Variants in BTBD9 observed in about 807,000 individuals in gnomAD.
BTBD9 encodes the protein BTB/POZ domain-containing protein 9.
BTBD9 carries 49 observed loss-of-function variants against 64.3 expected under a neutral mutation model. The observed-to-expected ratio is 0.76, with a 90% CI of 0.61 to 0.97. The LOEUF (loss-of-function observed/expected upper bound fraction) is 0.97. BTBD9 is among the 50% of genes least tolerant of loss of function. The pLI, the probability that BTBD9 is intolerant of heterozygous loss-of-function variation, is 0.00. For missense variants in BTBD9, 598 were observed against 762.1 expected (o/e 0.78, Z 2.53); for synonymous variants, 260 against 274.7 (o/e 0.95, Z 0.53).
intron 7 of BTBD9, among the ~76,000 whole-genome samples, chr6:38,316,668 AGTT>A (rs1763039511): frequency 6.6e-6 from 1 of 152,126 alleles, no homozygotes; most frequent in African/African-American, 2.4e-5. Context: ...AAGTTGTTGT[AGTT>A]ATTATTTTAA....
chr6:38,634,157 C>T (rs1187742327), intron 1 of BTBD9, among the ~76,000 whole-genome samples: 2 of 152,174 alleles, frequency 1.3e-5, no homozygotes, highest in Non-Finnish European at 2.9e-5. Context: ...TCATGAAGCT[C>T]CAATTTAACT....
Position 38,486,376 on chromosome 6 carries a change from C to T in BTBD9, c.1154+91224G>A, listed in dbSNP as rs145854960. On this transcript the variant is annotated intron_variant, in intron 6 of 10. Transcript: ENST00000481247. Reference sequence around the variant, plus strand: ...CTGTCTTAAGAGGCTTAGCTTTCAGCCTATCTCAGCTTTCAACATGCCTTC... The same window carrying T: ...CTGTCTTAAGAGGCTTAGCTTTCAGTCTATCTCAGCTTTCAACATGCCTTC... 3.3e-5 allele frequency among the ~76,000 whole-genome samples: 5 copies of T among 152,336 alleles called. 1 individual carries two copies. In the East Asian group the frequency reaches 9.6e-4, roughly 29 times the overall value.
chr6:38,375,481 G>A (rs1227702391), intron 6 of BTBD9, among the ~76,000 whole-genome samples: 1 of 152,174 alleles, frequency 6.6e-6, no homozygotes, highest in Non-Finnish European at 1.5e-5. Context: ...ATTAACTACA[G>A]AGGATGAAAA....
intron 6 of BTBD9, among the ~76,000 whole-genome samples, chr6:38,380,334 G>A (rs1370390396): frequency 6.6e-6 from 1 of 152,100 alleles, no homozygotes; most frequent in Non-Finnish European, 1.5e-5. Context: ...GATCCCAGAA[G>A]GAAAATCTGA....
chr6:38,354,670 C>A (rs1415193606), intron 6 of BTBD9, among the ~76,000 whole-genome samples: 1 of 152,102 alleles, frequency 6.6e-6, no homozygotes, highest in Non-Finnish European at 1.5e-5. Context: ...CAGAAAATTT[C>A]AAGGACCCTC....
chr6:38,368,301 T>A (rs947640763), intron 6 of BTBD9, among the ~76,000 whole-genome samples: 18 of 152,286 alleles, frequency 1.2e-4, no homozygotes, highest in Non-Finnish European at 1.6e-4. Context: ...CATTGCCCCT[T>A]TTGATGCATG....
intron 6 of BTBD9, among the ~76,000 whole-genome samples, chr6:38,545,894 AC>A (rs1420011732): frequency 1.4e-4 from 19 of 138,078 alleles, no homozygotes; most frequent in African/African-American, 4.8e-4. Context: ...ACACACACAC[AC>A]ACACACTGCT....
rs1174382110 is a variant in BTBD9 at position 38,634,585 on chromosome 6, AG to A, written c.-28+5214del. On this transcript the variant is annotated intron_variant, in intron 1 of 10. Transcript: ENST00000481247. ...GATTGTTCCTTTTTTTTAAAAAAAA[AG>A]GGGGGGGAGAGGGCATCTAACACAA... Among the ~76,000 whole-genome samples, 127 of 151,196 alleles carry A rather than the reference AG, an allele frequency of 8.4e-4. 1 individual carries two copies. The highest frequency in any genetic ancestry group is 1.5e-3 in the Non-Finnish European group (102 of 67,698).
At chr6:38,536,641 T>C (rs1270372379) in intron 6 of BTBD9, among the ~76,000 whole-genome samples, 1 of 151,994 alleles carries the variant, frequency 6.6e-6, no homozygotes, top group African/African-American at 2.4e-5. Context: ...TATTCAGCCA[T>C]AAAAAAAGAA....
intron 6 of BTBD9, among the ~76,000 whole-genome samples, chr6:38,456,067 T>A (rs1769791181): frequency 6.6e-6 from 1 of 152,128 alleles, no homozygotes; most frequent in African/African-American, 2.4e-5. Context: ...CACTGCAGCC[T>A]CTGCCTCCGG....
chr6:38,485,795 A>G (rs189473642), intron 6 of BTBD9, among the ~76,000 whole-genome samples: 9 of 152,356 alleles, frequency 5.9e-5, no homozygotes, highest in Non-Finnish European at 1.2e-4. Flanking sequence ...CAGCTACATT[A>G]GCCCCTAACA....
At chr6:38,181,020 C>A (rs1399941056) in intron 10 of BTBD9, among the ~76,000 whole-genome samples, 1 of 152,218 alleles carries the variant, frequency 6.6e-6, no homozygotes, top group Non-Finnish European at 1.5e-5. Context: ...AGGATGTACA[C>A]AAATGTGCTA....
chr6:38,374,283 G>GTATATATATATATACACATA (rs57568036), intron 6 of BTBD9, among the ~76,000 whole-genome samples: 10 of 45,474 alleles, frequency 2.2e-4, no homozygotes, highest in African/African-American at 1.5e-3. Context: ...AAAAAAAAAA[G>GTATATATATATATACACATA]TATATATATA....
chr6:38,308,017 A>C (rs1455111710), intron 7 of BTBD9, among the ~76,000 whole-genome samples: 1 of 152,200 alleles, frequency 6.6e-6, no homozygotes, highest in Non-Finnish European at 1.5e-5. Flanking sequence ...CTCTCCTCAC[A>C]CTGGGGCCTT....
At chr6:38,618,236 A>AT (rs1231918388) in intron 1 of BTBD9, among the ~76,000 whole-genome samples, 1 of 152,086 alleles carries the variant, frequency 6.6e-6, no homozygotes, top group Middle Eastern at 3.2e-3. Context: ...GCAGCAGCTT[A>AT]TTTTTTTCTG....
intron 8 of BTBD9, among the ~76,000 whole-genome samples, chr6:38,258,070 C>T (rs908503057): frequency 6.6e-6 from 1 of 151,964 alleles, no homozygotes; most frequent in African/African-American, 2.4e-5. Flanking sequence ...ATTGCAACCT[C>T]CGCCTCCCGG....
intron 6 of BTBD9, among the ~76,000 whole-genome samples, chr6:38,442,661 CTTTTTTTTTTTT>C (rs11313452): frequency 5.2e-5 from 3 of 57,538 alleles, no homozygotes; most frequent in East Asian, 6.2e-4. Flanking sequence ...CATTTGTACT[CTTTTTTTTTTTT>C]TTTTTTTTTT....
At chr6:38,552,405 T>C (rs1774843806) in intron 6 of BTBD9, among the ~76,000 whole-genome samples, 1 of 152,140 alleles carries the variant, frequency 6.6e-6, no homozygotes, top group Non-Finnish European at 1.5e-5. Context: ...GAGGAAGTAA[T>C]GGCAGGACTA....
intron 6 of BTBD9, among the ~76,000 whole-genome samples, chr6:38,569,524 G>C (rs1775663084): frequency 6.6e-6 from 1 of 152,066 alleles, no homozygotes; most frequent in African/African-American, 2.4e-5. Context: ...GGCTATTTGT[G>C]GTAATAACAA....
Sources: allele counts gnomAD v4.1 joint callset (sites outside exome capture counted in the v4.1 genomes callset), GRCh38; gene constraint gnomAD v4.1.1; transcripts MANE v1.5; gene names NCBI Gene and HGNC (gene_info 2026-07-23, HGNC 2026-07-21).